Variants in TEX36 observed in about 807,000 individuals in gnomAD.
TEX36 encodes testis-expressed protein 36.
A neutral mutation model predicts 13.6 loss-of-function variants in TEX36; 12 were observed. That is an observed-to-expected ratio of 0.88 (90% CI 0.56 to 1.43). The LOEUF is 1.43. Among genes scored for constraint, TEX36 ranks in the 40% most tolerant of loss-of-function variants. The pLI, the probability that TEX36 is intolerant of heterozygous loss-of-function variation, is 0.00. For synonymous variants in TEX36, 93 were observed against 83.0 expected (o/e 1.12, Z -0.65); for missense variants, 224 against 228.3 (o/e 0.98, Z 0.12).
chr10:125,617,634 T>C (rs528605332), downstream of TEX36, among the ~76,000 whole-genome samples: 538 of 152,370 alleles, frequency 3.5e-3, 1 homozygote, highest in Non-Finnish European at 5.3e-3. Context: ...TTCTGGCTTG[T>C]AGAGTTTCTG....
At chr10:125,598,875 T>C (rs1685729209) in intron 3 of TEX36, among the ~76,000 whole-genome samples, 1 of 152,346 alleles carries the variant, frequency 6.6e-6, no homozygotes, top group Admixed American at 6.5e-5. Flanking sequence ...TTGTTGGAAC[T>C]CCCAATCCAA....
intron 3 of TEX36, among the ~76,000 whole-genome samples, chr10:125,642,437 T>C (rs989049240): frequency 6.6e-6 from 1 of 152,182 alleles, no homozygotes; most frequent in African/African-American, 2.4e-5. Flanking sequence ...GCTACCAAGT[T>C]TCCCTCAGAA....
chr10:125,676,186 T>C (rs937594719), intron 1 of TEX36, among the ~76,000 whole-genome samples: 4 of 152,246 alleles, frequency 2.6e-5, no homozygotes, highest in African/African-American at 9.6e-5. Flanking sequence ...ACTGTCTAGA[T>C]TGTCTGTCTA....
chr10:125,618,761 C>T (rs751076303), downstream of TEX36, among the ~76,000 whole-genome samples: 1 of 151,768 alleles, frequency 6.6e-6, no homozygotes, highest in Non-Finnish European at 1.5e-5. Context: ...AGATGCAAGC[C>T]AAGGGATACT....
chr10:125,621,628 C>T (rs775372204), exon 4 of TEX36: 30 of 455,830 alleles, frequency 6.6e-5, no homozygotes, highest in East Asian at 2.8e-4. Context: ...AGAAGTCCCA[C>T]GATAGGCCAT....
chr10:125,673,710 CAAAAAAAAAAAAAA>C (rs3064205), intron 1 of TEX36, among the ~76,000 whole-genome samples: 1 of 68,434 alleles, frequency 1.5e-5, no homozygotes, highest in South Asian at 5.7e-4. Context: ...GACTCTCTCT[CAAAAAAAAAAAAAA>C]AAAAAAAAAG....
chr10:125,648,405 C>A (rs971960416), intron 3 of TEX36, among the ~76,000 whole-genome samples: 1 of 152,184 alleles, frequency 6.6e-6, no homozygotes, highest in African/African-American at 2.4e-5. Context: ...CCGGAGTGAA[C>A]CTCCAGCAAA....
chr10:125,585,294 C>T (rs925766778), intron 3 of TEX36, among the ~76,000 whole-genome samples: 2 of 152,140 alleles, frequency 1.3e-5, no homozygotes, highest in Non-Finnish European at 2.9e-5. Flanking sequence ...CCAATTCCCT[C>T]CTGCCTCCCA....
At chr10:125,671,509 G>C (rs968830327) in intron 1 of TEX36, among the ~76,000 whole-genome samples, 1 of 152,162 alleles carries the variant, frequency 6.6e-6, no homozygotes, top group African/African-American at 2.4e-5. Flanking sequence ...TAAGCTTTTT[G>C]ATGTGCTGCT....
chr10:125,658,320 A>G (rs1375470701), intron 3 of TEX36, among the ~76,000 whole-genome samples: 1 of 152,170 alleles, frequency 6.6e-6, no homozygotes, highest in East Asian at 1.9e-4. Flanking sequence ...TAATGCATAT[A>G]AAGAGAAACA....
intron 3 of TEX36, among the ~76,000 whole-genome samples, chr10:125,636,108 C>T (rs1280505962): frequency 6.6e-6 from 1 of 151,880 alleles, no homozygotes; most frequent in Admixed American, 6.6e-5. Flanking sequence ...CTCCTGGACT[C>T]AAGTGATCCA....
chr10:125,609,290 T>C (rs1239221408), intron 3 of TEX36, among the ~76,000 whole-genome samples: 1 of 152,176 alleles, frequency 6.6e-6, no homozygotes, highest in African/African-American at 2.4e-5. Context: ...GACAATTCAA[T>C]GGTGTGAAAT....
At chr10:125,639,850 CT>C (rs1846664179) in intron 3 of TEX36, among the ~76,000 whole-genome samples, 1 of 152,210 alleles carries the variant, frequency 6.6e-6, no homozygotes, top group African/African-American at 2.4e-5. Context: ...TATGTTGAGA[CT>C]TCTCAATCCT....
At chr10:125,652,690 T>G (rs181854019), downstream of TEX36, among the ~76,000 whole-genome samples, 179 of 152,062 alleles carry the variant, frequency 1.2e-3, no homozygotes, top group African/African-American at 4.1e-3. Context: ...ACCATCAGAG[T>G]GAACAGGCAA....
chr10:125,628,513 A>G (rs1260149753), intron 3 of TEX36, among the ~76,000 whole-genome samples: 2 of 152,212 alleles, frequency 1.3e-5, no homozygotes, highest in Non-Finnish European at 2.9e-5. Flanking sequence ...TCAGTCTCTA[A>G]TAACACTGAC....
intron 3 of TEX36, among the ~76,000 whole-genome samples, 175 bp from the exon 4 acceptor site, chr10:125,656,371 C>T (rs1042269607): frequency 6.7e-6 from 1 of 149,990 alleles, no homozygotes; most frequent in African/African-American, 2.5e-5. Flanking sequence ...ATTCTCATGC[C>T]TTAGCCTCCT....
At chr10:125,636,167 A>C (rs1846621187) in intron 3 of TEX36, among the ~76,000 whole-genome samples, 2 of 147,262 alleles carry the variant, frequency 1.4e-5, no homozygotes, top group South Asian at 2.2e-4. Flanking sequence ...GAGTCACCAC[A>C]TGCGGCCTTC....
intron 1 of TEX36, among the ~76,000 whole-genome samples, chr10:125,675,877 G>C (rs1847302458): frequency 6.6e-6 from 1 of 152,154 alleles, no homozygotes; most frequent in Admixed American, 6.5e-5. Flanking sequence ...CATTGACCCA[G>C]GGGTCATTCA....
chr10:125,603,624 C>G (rs572758873), intron 3 of TEX36, among the ~76,000 whole-genome samples: 231 of 152,350 alleles, frequency 1.5e-3, no homozygotes, highest in African/African-American at 5.5e-3. Context: ...GTTGCTGAAG[C>G]ATGGCAGCCC....
Sources: gnomAD v4.1 joint callset for allele counts (sites outside exome capture counted in the v4.1 genomes callset) on GRCh38, gnomAD v4.1.1 for gene constraint, MANE v1.5 for transcripts, NCBI Gene and HGNC (gene_info 2026-07-23, HGNC 2026-07-21) for gene names.